LOXHD1: variants seen among roughly 807,000 people sequenced by gnomAD.
LOXHD1 encodes lipoxygenase homology PLAT domains 1.
LOXHD1 carries 205 observed loss-of-function variants against 248.2 expected under a neutral mutation model. The observed-to-expected ratio is 0.83, with a 90% CI of 0.74 to 0.93. The LOEUF (loss-of-function observed/expected upper bound fraction) is 0.93. Among genes scored for constraint, LOXHD1 ranks in the 40% least tolerant of loss-of-function variants. LOXHD1 has a pLI of 0.00. For missense variants in LOXHD1, 2,930 were observed against 2,971.6 expected (o/e 0.99, Z 0.33); for synonymous variants, 1,113 against 1,162.8 (o/e 0.96, Z 0.87).
intron 37 of LOXHD1, among the ~76,000 whole-genome samples, chr18:46,500,668 A>T (rs1049321073): frequency 1.8e-4 from 27 of 152,320 alleles, no homozygotes; most frequent in Non-Finnish European, 3.4e-4. Context: ...CCAATCCTTG[A>T]CATGGCTTAC....
intron 37 of LOXHD1, 149 bp from the exon 38 acceptor site, chr18:46,489,291 G>A: frequency 2.5e-6 from 2 of 809,996 alleles, no homozygotes; most frequent in Non-Finnish European, 4.0e-6. Context: ...TAAAGTGAGG[G>A]GTTGGGTTAG....
chr18:46,560,607 C>T (rs987670511), intron 18 of LOXHD1, 62 bp from the exon 19 acceptor site: 1 of 1,414,164 alleles, frequency 7.1e-7, no homozygotes, highest in Admixed American at 2.3e-5. Flanking sequence ...GCCCCCAACA[C>T]CCCCGCCCAA....
Position 46,541,950 on chromosome 18 carries a change from G to A in LOXHD1, c.3749-10C>T. 1 of 1,548,464 alleles carries A rather than the reference G, an allele frequency of 6.5e-7. No homozygotes were observed. The highest frequency in any genetic ancestry group is 8.7e-7 in the Non-Finnish European group (1 of 1,145,058). The stretch of plus-strand genomic sequence containing the variant: ...CAGCCTGGGGCCTTGCCTAGAGAGA[G>A]AGGAGACACAAAACCCATCAAGGAC... On this transcript the variant is annotated splice_polypyrimidine_tract_variant and intron_variant, in intron 24 of 40. Coordinates refer to ENST00000642948, the MANE Select transcript of LOXHD1 (RefSeq NM_001384474.1).
At chr18:46,551,048 TC>T (rs1296982870) in intron 21 of LOXHD1, among the ~76,000 whole-genome samples, 1 of 152,004 alleles carries the variant, frequency 6.6e-6, no homozygotes, top group Non-Finnish European at 1.5e-5. Flanking sequence ...GGTAAACCTT[TC>T]TCATCCCCTT....
chr18:46,563,057 C>T lies in LOXHD1; in HGVS notation c.2598+8G>A, dbSNP rs1329193230. On this transcript the variant is annotated splice_region_variant and intron_variant, in intron 18 of 40. Coordinates refer to ENST00000642948, the MANE Select transcript of LOXHD1 (RefSeq NM_001384474.1). ...CTGTTGGCACCCCCGCTCCTCGACCCCACATACCTGGAATGTGTCCTTGGA... is the reference window on the plus strand; with the variant it reads ...CTGTTGGCACCCCCGCTCCTCGACCTCACATACCTGGAATGTGTCCTTGGA... The T allele has an allele frequency of 2.6e-6, 4 of 1,535,542 alleles. No individual in the cohort carries two copies. The highest frequency in any genetic ancestry group is 3.5e-6 in the Non-Finnish European group (4 of 1,133,792).
intron 23 of LOXHD1, 30 bp from the exon 24 acceptor site, chr18:46,542,885 G>T: frequency 1.3e-6 from 2 of 1,551,570 alleles, no homozygotes; most frequent in Non-Finnish European, 1.7e-6. Flanking sequence ...AGCATGACTG[G>T]CTGGACCTGA....
chr18:46,492,899 C>T (rs184448435), intron 37 of LOXHD1, among the ~76,000 whole-genome samples: 46 of 152,320 alleles, frequency 3.0e-4, no homozygotes, highest in African/African-American at 1.0e-3. Flanking sequence ...TGTACTTCTA[C>T]ACACAATGCT....
At chr18:46,547,870 T>G (rs138858556) in intron 21 of LOXHD1, among the ~76,000 whole-genome samples, 4 of 152,344 alleles carry the variant, frequency 2.6e-5, no homozygotes, top group South Asian at 2.1e-4. Flanking sequence ...TATCTAATAT[T>G]TGAGTCATGC....
At chr18:46,571,956 C>T (rs2037760096) in intron 15 of LOXHD1, 130 bp downstream of exon 15, 2 of 770,692 alleles carry the variant, frequency 2.6e-6, no homozygotes, top group Admixed American at 2.2e-5. Flanking sequence ...CTCGGAGCCT[C>T]CCTCTCCTCC....
Position 46,521,091 on chromosome 18 carries a change from C to G in LOXHD1, c.5271+6G>C. ...ATGCACTGCACACTCACAGTGCCCCCCCTACCTTCACCCCAATGTTCACCA... is the reference window on the plus strand; with the variant it reads ...ATGCACTGCACACTCACAGTGCCCCGCCTACCTTCACCCCAATGTTCACCA... On this transcript the variant is annotated splice_donor_region_variant and intron_variant, in intron 33 of 40. Transcript: ENST00000642948. 6.4e-7 allele frequency: 1 copy of G among 1,551,420 alleles called. No individual in the cohort carries two copies. The highest frequency in any genetic ancestry group is 8.7e-7 in the Non-Finnish European group (1 of 1,146,782).
intron 12 of LOXHD1, among the ~76,000 whole-genome samples, chr18:46,581,609 T>C (rs1338159301): frequency 3.3e-5 from 5 of 152,150 alleles, no homozygotes; most frequent in Non-Finnish European, 7.4e-5. Flanking sequence ...GGTGAAGATA[T>C]AGACAAGGAC....
At chr18:46,500,621 C>T (rs910772956) in intron 37 of LOXHD1, among the ~76,000 whole-genome samples, 1 of 152,178 alleles carries the variant, frequency 6.6e-6, no homozygotes, top group Non-Finnish European at 1.5e-5. Context: ...GTTCTTGAGA[C>T]GCTTTGATGG....
intron 1 of LOXHD1, 141 bp downstream of exon 1, chr18:46,656,763 G>T: frequency 1.0e-6 from 1 of 995,774 alleles, no homozygotes; most frequent in Non-Finnish European, 1.5e-6. Context: ...TACTCCGAGG[G>T]GATATGGAAC....
intron 14 of LOXHD1, among the ~76,000 whole-genome samples, chr18:46,572,807 A>T (rs539643340): frequency 4.6e-5 from 7 of 152,066 alleles, no homozygotes; most frequent in Non-Finnish European, 8.8e-5. Flanking sequence ...GTGGATCACG[A>T]GGTCAGGAGA....
chr18:46,515,776 G>A (rs1383957007), intron 34 of LOXHD1, among the ~76,000 whole-genome samples: 6 of 152,164 alleles, frequency 3.9e-5, no homozygotes, highest in African/African-American at 1.4e-4. Context: ...ATAGAACTCT[G>A]AGCTGCCTCC....
chr18:46,568,893 C>T (rs775952610), intron 16 of LOXHD1, among the ~76,000 whole-genome samples: 3 of 152,150 alleles, frequency 2.0e-5, no homozygotes, highest in Admixed American at 6.5e-5. Context: ...AGTGCTTAGA[C>T]CACTTGCAGC....
At chr18:46,518,098 G>A in intron 34 of LOXHD1, 31 bp downstream of exon 34, 1 of 1,550,444 alleles carries the variant, frequency 6.4e-7, no homozygotes, top group Non-Finnish European at 8.7e-7. Context: ...GAATGTGGGA[G>A]GGGTGAGGGG....
chr18:46,592,722 A>T, intron 10 of LOXHD1, 138 bp from the exon 11 acceptor site: 1 of 700,996 alleles, frequency 1.4e-6, no homozygotes, highest in Non-Finnish European at 2.5e-6. Flanking sequence ...CAATCAAGCC[A>T]CCCTCACATA....
At chr18:46,639,069 C>T (rs1346139652) in intron 4 of LOXHD1, among the ~76,000 whole-genome samples, 8 of 152,096 alleles carry the variant, frequency 5.3e-5, no homozygotes, top group African/African-American at 1.7e-4. Flanking sequence ...CCATTATTCC[C>T]GTAAAATTAA....
Sources: allele counts gnomAD v4.1 joint callset (sites outside exome capture counted in the v4.1 genomes callset), GRCh38; gene constraint gnomAD v4.1.1; transcripts MANE v1.5; gene names NCBI Gene and HGNC (gene_info 2026-07-23, HGNC 2026-07-21).